The following PUDP variants were observed in gnomAD, a reference collection of about 807,000 sequenced individuals.
PUDP encodes pseudouridine-5'-phosphatase.
A neutral mutation model predicts 9.4 loss-of-function variants in PUDP; 8 were observed. The observed-to-expected ratio is 0.85, with a 90% CI of 0.50 to 1.53. The LOEUF is 1.53. Ranked by LOEUF, PUDP falls within the 40% of genes most tolerant of loss-of-function variation. The pLI is 0.00. For synonymous variants in PUDP, 99 were observed against 80.7 expected (o/e 1.23, Z -1.22); for missense variants, 188 against 189.7 (o/e 0.99, Z 0.05).
At chrX:6,755,070 G>A (rs759274435) in intron 3 of PUDP, among the ~76,000 whole-genome samples, 2 of 111,775 alleles carry the variant, frequency 1.8e-5, no homozygotes, top group African/African-American at 3.2e-5. Context: ...GACATCTGAT[G>A]TCCCTTCTGG....
chrX:7,035,148 T>C (rs865840221), intron 1 of PUDP, among the ~76,000 whole-genome samples: 7 of 112,020 alleles, frequency 6.2e-5, no homozygotes, highest in African/African-American at 2.3e-4. Context: ...ACCTTCTGTA[T>C]AGAAGTTGCT....
At chrX:6,795,247 G>C (rs180937320) in intron 3 of PUDP, among the ~76,000 whole-genome samples, 349 of 111,194 alleles carry the variant, frequency 3.1e-3, no homozygotes, top group Non-Finnish European at 5.2e-3. Context: ...ATTTCATTTT[G>C]CTCTTTAGTT....
chrX:6,788,425 G>A (rs966510131), intron 3 of PUDP, among the ~76,000 whole-genome samples: 1 of 111,944 alleles, frequency 8.9e-6, no homozygotes, highest in African/African-American at 3.3e-5. Flanking sequence ...AGAAGGGGCT[G>A]GCTGTAGTGG....
intron 3 of PUDP, among the ~76,000 whole-genome samples, chrX:6,810,973 A>G (rs985760388): frequency 1.3e-4 from 14 of 111,440 alleles, no homozygotes; most frequent in African/African-American, 4.2e-4. Context: ...TATGTAATTT[A>G]TGCCTTGCTA....
chrX:7,021,553 T>A (rs1387895349), intron 1 of PUDP, among the ~76,000 whole-genome samples: 1 of 112,331 alleles, frequency 8.9e-6, no homozygotes, highest in Non-Finnish European at 1.9e-5. Context: ...GGCAAAAGTT[T>A]GTTGTTGCAA....
intron 3 of PUDP, among the ~76,000 whole-genome samples, chrX:6,735,780 G>A (rs1305656086): frequency 9.0e-6 from 1 of 111,015 alleles, no homozygotes; most frequent in Non-Finnish European, 1.9e-5. Flanking sequence ...GATGTGTACA[G>A]CTTTCCAAAT....
chrX:7,065,946 C>T (rs1930540575), intron 3 of PUDP, among the ~76,000 whole-genome samples: 1 of 112,068 alleles, frequency 8.9e-6, no homozygotes, highest in African/African-American at 3.2e-5. Flanking sequence ...AAATGAGATG[C>T]TAAACATTTA....
intron 1 of PUDP, among the ~76,000 whole-genome samples, chrX:6,718,274 T>C (rs1924622901): frequency 8.9e-6 from 1 of 111,789 alleles, no homozygotes; most frequent in Non-Finnish European, 1.9e-5. Context: ...AATAATTGCA[T>C]CAAAAAGATG....
At chrX:6,950,415 T>C (rs1376285770) in intron 3 of PUDP, among the ~76,000 whole-genome samples, 4 of 93,996 alleles carry the variant, frequency 4.3e-5, no homozygotes, top group East Asian at 6.6e-4. Context: ...TCTTTTTTTT[T>C]TTTTTTTTTT....
intron 1 of PUDP, among the ~76,000 whole-genome samples, chrX:7,007,566 G>A (rs1167400266): frequency 8.0e-5 from 9 of 112,553 alleles, no homozygotes; most frequent in Non-Finnish European, 1.1e-4. Context: ...TGTCTACTCA[G>A]TTATATTGAG....
rs763433493 is a variant in PUDP at position 7,049,128 on chromosome X, T to C, written c.*1168A>G. 1 of 111,525 alleles carries C rather than the reference T, an allele frequency of 9.0e-6. No individual in the cohort carries two copies. The highest frequency in any genetic ancestry group is 3.3e-5 in the African/African-American group (1 of 30,660). The allele number at this position is 111,525 out of a possible 1,213,427, so 9.2% of individuals were successfully genotyped here. ...CACTCCACCACACGCACACATACAT[T>C]CCTACGGTTTGTCCACAACTTCCAG... On this transcript the variant is annotated 3_prime_UTR_variant, in exon 4 of 4. Transcript: ENST00000381077.
intron 3 of PUDP, among the ~76,000 whole-genome samples, chrX:6,737,682 A>C (rs937105804): frequency 1.3e-4 from 14 of 110,724 alleles, no homozygotes; most frequent in Non-Finnish European, 2.6e-4. Context: ...AAGGTTCTCA[A>C]ATTTTAGGAT....
In PUDP at chrX:6,955,219, C is replaced by CT. The variant is rs376301949; in HGVS notation, c.*247+21913dup. Among the ~76,000 whole-genome samples the CT allele has an allele frequency of 8.2e-3, 845 of 102,600 alleles. 5 individuals carry two copies. Among genetic ancestry groups the CT allele is most frequent in the African/African-American group, 0.025 (718 of 28,455 alleles). 89.1% of individuals were successfully genotyped at this position (102,600 alleles called of 115,157 possible). A position where few individuals can be genotyped will look rare whatever the true frequency, so the allele number is the denominator to read the frequency against. On this transcript the variant is annotated intron_variant and NMD_transcript_variant, in intron 3 of 3. Coordinates refer to the PUDP transcript ENST00000655425. ...TTTGTCCTCTTTTAACTTTTAGTTCCTTTTTTTTTTTTCCTTTTAGAGACA... is the reference window on the plus strand; with the variant it reads ...TTTGTCCTCTTTTAACTTTTAGTTCCTTTTTTTTTTTTTCCTTTTAGAGACA...
chrX:7,067,132 G>A (rs989711571), intron 3 of PUDP, among the ~76,000 whole-genome samples: 7 of 112,122 alleles, frequency 6.2e-5, no homozygotes, highest in African/African-American at 9.7e-5. Context: ...ACTTCATTCT[G>A]TTCTGAGATT....
chrX:6,789,289 C>CTAAA (rs63378260), intron 3 of PUDP, among the ~76,000 whole-genome samples: 2,689 of 95,165 alleles, frequency 0.028, 63 homozygotes, highest in African/African-American at 0.07. Flanking sequence ...GACTCTGTCT[C>CTAAA]TAAATAAATA....
At chrX:7,114,046 G>GTC (rs199597384) in intron 1 of PUDP, among the ~76,000 whole-genome samples, 30 of 88,931 alleles carry the variant, frequency 3.4e-4, no homozygotes, top group Non-Finnish European at 4.8e-4. Context: ...GCTAGCTCAG[G>GTC]TCTCTCTCTC....
chrX:6,789,829 T>A (rs936740700), intron 3 of PUDP, among the ~76,000 whole-genome samples: 3 of 100,852 alleles, frequency 3.0e-5, no homozygotes, highest in African/African-American at 1.1e-4. Flanking sequence ...AGAAGATAGA[T>A]CATAGAGATA....
intron 3 of PUDP, among the ~76,000 whole-genome samples, chrX:6,752,499 A>G (rs1411194379): frequency 1.8e-5 from 2 of 111,775 alleles, no homozygotes; most frequent in African/African-American, 6.5e-5. Flanking sequence ...AGAGTGGAGG[A>G]TTTATTAATA....
intron 1 of PUDP, among the ~76,000 whole-genome samples, chrX:6,986,076 C>T (rs1201194992): frequency 1.8e-5 from 2 of 111,291 alleles, no homozygotes; most frequent in African/African-American, 3.3e-5. Context: ...GCCATGGCAA[C>T]GTTAGGAAGT....
Sources: allele counts gnomAD v4.1 joint callset (sites outside exome capture counted in the v4.1 genomes callset), GRCh38; gene constraint gnomAD v4.1.1; transcripts MANE v1.5; gene names NCBI Gene and HGNC (gene_info 2026-07-23, HGNC 2026-07-21).